Variants in MACROD2 observed in about 807,000 individuals in gnomAD.
MACROD2 encodes ADP-ribose glycohydrolase MACROD2.
A neutral mutation model predicts 70.4 loss-of-function variants in MACROD2; 36 were observed. The observed-to-expected ratio is 0.51, with a 90% CI of 0.39 to 0.68. The LOEUF (loss-of-function observed/expected upper bound fraction) is 0.68. MACROD2 is among the 30% of genes least tolerant of loss of function. The probability of loss-of-function intolerance (pLI) is 0.00; values close to 1 mark genes in which losing one functional copy is unlikely to be tolerated. For synonymous variants in MACROD2, 172 were observed against 178.8 expected (o/e 0.96, Z 0.30); for missense variants, 496 against 538.4 (o/e 0.92, Z 0.78).
intron 6 of MACROD2, among the ~76,000 whole-genome samples, chr20:15,414,887 G>A (rs2046125727): frequency 6.6e-6 from 1 of 152,192 alleles, no homozygotes; most frequent in Non-Finnish European, 1.5e-5. Flanking sequence ...GCCTGCCCCA[G>A]AGAAACGGAA....
intron 3 of MACROD2, among the ~76,000 whole-genome samples, chr20:14,348,408 A>G (rs997307009): frequency 6.6e-6 from 1 of 152,194 alleles, no homozygotes; most frequent in African/African-American, 2.4e-5. Context: ...GAAAATATCA[A>G]GAAGGAAGGT....
At chr20:14,219,466 G>T (rs769913763) in intron 3 of MACROD2, among the ~76,000 whole-genome samples, 2 of 151,736 alleles carry the variant, frequency 1.3e-5, no homozygotes, top group Admixed American at 6.6e-5. Flanking sequence ...TCTTACATTG[G>T]GCTTCGCCTT....
intron 5 of MACROD2, among the ~76,000 whole-genome samples, chr20:15,191,720 A>C (rs1317870962): frequency 6.6e-6 from 1 of 152,194 alleles, no homozygotes; most frequent in Admixed American, 6.5e-5. Flanking sequence ...GAAAACAGAG[A>C]AAGAAAAAAA....
intron 5 of MACROD2, among the ~76,000 whole-genome samples, chr20:15,100,384 G>A (rs1255596831): frequency 2.0e-5 from 3 of 152,172 alleles, no homozygotes; most frequent in Non-Finnish European, 4.4e-5. Context: ...ATACATATCA[G>A]TATCTAATAG....
intron 4 of MACROD2, among the ~76,000 whole-genome samples, chr20:14,681,411 AT>A (rs2070930798): frequency 6.6e-6 from 1 of 152,208 alleles, no homozygotes; most frequent in African/African-American, 2.4e-5. Flanking sequence ...ACAATGGAGT[AT>A]TACAAATAAA....
At chr20:14,770,713 C>T (rs964691693) in intron 5 of MACROD2, among the ~76,000 whole-genome samples, 5 of 152,052 alleles carry the variant, frequency 3.3e-5, no homozygotes, top group Non-Finnish European at 7.4e-5. Flanking sequence ...GCCTAATTCT[C>T]ACAATATCCT....
At chr20:14,552,570 C>T (rs1219875536) in intron 4 of MACROD2, among the ~76,000 whole-genome samples, 4 of 151,776 alleles carry the variant, frequency 2.6e-5, no homozygotes, top group East Asian at 1.9e-4. Flanking sequence ...AAAAACAGAT[C>T]ATTAGGCAAT....
intron 5 of MACROD2, among the ~76,000 whole-genome samples, chr20:14,854,933 G>A (rs1185787064): frequency 1.3e-5 from 2 of 151,980 alleles, no homozygotes; most frequent in Admixed American, 6.6e-5. Flanking sequence ...GGAGAATGGC[G>A]TGAACCCGGC....
chr20:14,032,142 A>G (rs1047521430), intron 2 of MACROD2, among the ~76,000 whole-genome samples: 1 of 151,870 alleles, frequency 6.6e-6, no homozygotes, highest in Non-Finnish European at 1.5e-5. Context: ...CTATTTTTTG[A>G]TGATCTCATT....
chr20:14,532,475 A>T (rs2423804), intron 4 of MACROD2, among the ~76,000 whole-genome samples: 1 of 151,358 alleles, frequency 6.6e-6, no homozygotes, highest in Non-Finnish European at 1.5e-5. Context: ...CGCACGTCTC[A>T]GCCTCCCAAA....
At chr20:14,801,218 C>T (rs1319990295) in intron 5 of MACROD2, among the ~76,000 whole-genome samples, 1 of 152,142 alleles carries the variant, frequency 6.6e-6, no homozygotes, top group Non-Finnish European at 1.5e-5. Context: ...GCCAGCATGG[C>T]TGATAGGCTG....
At chr20:14,343,016 G>A (rs978439643) in intron 3 of MACROD2, among the ~76,000 whole-genome samples, 7 of 152,220 alleles carry the variant, frequency 4.6e-5, no homozygotes, top group African/African-American at 1.4e-4. Flanking sequence ...AGGAAAGAAA[G>A]GAGGAATTGT....
intron 7 of MACROD2, among the ~76,000 whole-genome samples, chr20:15,441,260 AC>A (rs747291391): frequency 5.3e-5 from 8 of 152,110 alleles, no homozygotes; most frequent in Admixed American, 1.3e-4. Context: ...TCCATACCCT[AC>A]CCACGTCTTT....
At chr20:15,729,530 T>C (rs1399834842) in intron 8 of MACROD2, among the ~76,000 whole-genome samples, 1 of 152,192 alleles carries the variant, frequency 6.6e-6, no homozygotes, top group Non-Finnish European at 1.5e-5. Flanking sequence ...CGTCTCTCCA[T>C]AAGTCTTTAA....
chr20:14,679,684 C>A (rs1011141289), intron 4 of MACROD2, among the ~76,000 whole-genome samples: 5 of 152,032 alleles, frequency 3.3e-5, no homozygotes, highest in Admixed American at 2.0e-4. Flanking sequence ...CAAAGACTTG[C>A]TTTTGAGCAT....
intron 2 of MACROD2, among the ~76,000 whole-genome samples, chr20:14,031,718 CA>C (rs1190845827): frequency 6.6e-6 from 1 of 152,034 alleles, no homozygotes; most frequent in African/African-American, 2.4e-5. Context: ...TGAAAACATA[CA>C]GTTAAAAAAT....
chr20:14,186,864 A>G (rs915024441), intron 3 of MACROD2, among the ~76,000 whole-genome samples: 2 of 152,134 alleles, frequency 1.3e-5, no homozygotes, highest in African/African-American at 4.8e-5. Context: ...AAAATACCAC[A>G]TGTTCTAATT....
At chr20:15,515,236 G>T (rs1002338679) in intron 8 of MACROD2, among the ~76,000 whole-genome samples, 9 of 152,174 alleles carry the variant, frequency 5.9e-5, no homozygotes, top group Admixed American at 1.3e-4. Context: ...GTCATTTGTG[G>T]TATCAACATT....
chr20:15,151,531 A>G lies in MACROD2; in HGVS notation c.419-78409A>G, dbSNP rs554230858. On this transcript the variant is annotated intron_variant, in intron 5 of 17. Coordinates refer to ENST00000684519, the MANE Select transcript of MACROD2 (RefSeq NM_001351661.2). ...GCCGGAATTTAATTTTTGGAGTTTT[A>G]TTTAATGTCGGGAGCAGATTGGGTA... Among the ~76,000 whole-genome samples, 35 of 152,118 alleles carry G rather than the reference A, an allele frequency of 2.3e-4. No individual in the cohort carries two copies. The East Asian group carries it at 5.6e-3, about 24-fold the overall frequency.
Sources: allele counts gnomAD v4.1 joint callset (sites outside exome capture counted in the v4.1 genomes callset), GRCh38; gene constraint gnomAD v4.1.1; transcripts MANE v1.5; gene names NCBI Gene and HGNC (gene_info 2026-07-23, HGNC 2026-07-21).